CACNB4: variants seen among roughly 807,000 people sequenced by gnomAD.
The protein encoded by CACNB4 is calcium voltage-gated channel auxiliary subunit beta 4, also known as voltage-dependent L-type calcium channel subunit beta-4.
A neutral mutation model predicts 71.2 loss-of-function variants in CACNB4; 32 were observed. The ratio of observed to expected loss-of-function variants is 0.45; its 90% CI spans 0.34 to 0.60. CACNB4 has a LOEUF of 0.60. CACNB4 is among the 20% of genes least tolerant of loss of function. CACNB4 has a pLI of 0.01. For synonymous variants in CACNB4, 231 were observed against 236.9 expected, an observed-to-expected ratio of 0.97 and a Z score of 0.23; for missense variants, 464 against 647.9, an observed-to-expected ratio of 0.72 and a Z score of 3.08.
At chr2:151,973,890 C>T (rs746191519) in intron 2 of CACNB4, 74 of 1,435,214 alleles carry the variant, frequency 5.2e-5, no homozygotes, top group Admixed American at 2.2e-4. Context: ...GAGGTTATCC[C>T]CAGAGGCAGT....
intron 10 of CACNB4, chr2:151,860,352 C>T (rs891747512): frequency 2.3e-5 from 6 of 264,154 alleles, no homozygotes; most frequent in African/African-American, 9.2e-5. Context: ...CTGAACACCT[C>T]GTTTCCTTTT....
chr2:151,869,286 GAGAGA>G (rs1224883985), intron 8 of CACNB4, 51 bp from the exon 9 acceptor site: 1 of 1,102,678 alleles, frequency 9.1e-7, no homozygotes, highest in African/African-American at 1.6e-5. Context: ...CAGAGAGAGA[GAGAGA>G]AGTCAAAAGG....
At chr2:151,978,832 C>T (rs1208918806) in intron 2 of CACNB4, among the ~76,000 whole-genome samples, 1 of 152,168 alleles carries the variant, frequency 6.6e-6, no homozygotes, top group Non-Finnish European at 1.5e-5. Flanking sequence ...AGCCCAGCCT[C>T]CTGCTGCCCT....
At position 151,883,235 on chromosome 2, in the gene CACNB4, A is replaced by G. The variant is rs2099848423; in HGVS notation, c.267+16T>C. The G allele has an allele frequency of 6.2e-7, 1 of 1,613,718 alleles. No individual in the cohort carries two copies. The highest frequency in any genetic ancestry group is 2.2e-5 in the East Asian group (1 of 44,868). On this transcript the variant is annotated intron_variant, in intron 3 of 13. Coordinates refer to ENST00000539935, the MANE Select transcript of CACNB4 (RefSeq NM_000726.5). ...AACGACCCACTTTTGAGCCAAAGAG[A>G]AGGAAAGAGACTCACCTTTGCTCTC...
chr2:151,887,872 AC>A (rs2099849767), intron 2 of CACNB4, among the ~76,000 whole-genome samples: 1 of 152,190 alleles, frequency 6.6e-6, no homozygotes, highest in African/African-American at 2.4e-5. Flanking sequence ...ACTTTGACCC[AC>A]TAATTAAAGG....
intron 9 of CACNB4, among the ~76,000 whole-genome samples, chr2:151,864,157 C>T (rs992360041): frequency 6.6e-6 from 1 of 152,116 alleles, no homozygotes; most frequent in African/African-American, 2.4e-5. Flanking sequence ...TCCCATGTAC[C>T]TTGTTTGGTA....
At chr2:151,996,048 T>C (rs1682024092) in intron 2 of CACNB4, among the ~76,000 whole-genome samples, 1 of 152,206 alleles carries the variant, frequency 6.6e-6, no homozygotes, top group Non-Finnish European at 1.5e-5. Context: ...TTGTTATTTT[T>C]CCTATATAAG....
chr2:152,098,972 C>G lies in CACNB4; in HGVS notation c.40G>C (p.Gly14Arg), dbSNP rs573977862. 3.6e-5 allele frequency: 55 copies of G among 1,529,020 alleles called. No individual in the cohort carries two copies. The highest frequency in any genetic ancestry group is 2.3e-4 in the East Asian group (9 of 39,976). 94.7% of individuals were successfully genotyped at this position (1,529,020 alleles called of 1,614,324 possible). Residue 14 changes from glycine to arginine, a missense_variant, in exon 1 of 14, where the codon GGG (glycine) becomes CGG (arginine). Transcript: ENST00000539935. This position sits in a 1 kb window ranked among gnomAD's most constrained non-coding sequence, Gnocchi z 5.3. ...ACCTGCGAGGTGGGGGAGTGCGGCC[C>G]GTCCGCGGTCCCGTTCTTGGCGTAG... ...SSYAKNGTADGPHSPTSQVAR... is the reference protein window; with the variant it reads ...SSYAKNGTADRPHSPTSQVAR...
intron 2 of CACNB4, among the ~76,000 whole-genome samples, chr2:152,053,291 A>T (rs1163361309): frequency 6.6e-6 from 1 of 152,130 alleles, no homozygotes; most frequent in African/African-American, 2.4e-5. Flanking sequence ...ATGGACAGTG[A>T]TGTAGTCAAT....
At chr2:151,897,809 T>C (rs527308991) in intron 2 of CACNB4, among the ~76,000 whole-genome samples, 1 of 152,318 alleles carries the variant, frequency 6.6e-6, no homozygotes, top group Non-Finnish European at 1.5e-5. Flanking sequence ...TATAATAACC[T>C]AACTCATGGA....
chr2:151,875,982 C>A, intron 5 of CACNB4, among the ~76,000 whole-genome samples: 1 of 143,878 alleles, frequency 7.0e-6, no homozygotes, highest in Non-Finnish European at 1.5e-5. Flanking sequence ...GCTGACTCCC[C>A]CACCTCCCTC....
intron 2 of CACNB4, among the ~76,000 whole-genome samples, chr2:152,066,504 G>A (rs1001255332): frequency 1.8e-3 from 270 of 151,278 alleles, no homozygotes; most frequent in Non-Finnish European, 3.1e-3. Flanking sequence ...ACAGGTGCTG[G>A]AGAGGATGTG....
At chr2:152,082,548 T>C (rs918340381) in intron 2 of CACNB4, among the ~76,000 whole-genome samples, 2 of 152,270 alleles carry the variant, frequency 1.3e-5, no homozygotes, top group Admixed American at 6.5e-5. Context: ...AATGAATGAG[T>C]TGACCACATA....
At chr2:151,950,469 G>C (rs933038107) in intron 2 of CACNB4, among the ~76,000 whole-genome samples, 1 of 152,130 alleles carries the variant, frequency 6.6e-6, no homozygotes, top group Non-Finnish European at 1.5e-5. Context: ...TTGACTCCTA[G>C]GTATATCCCC....
At chr2:152,034,087 A>G (rs1223879751) in intron 2 of CACNB4, among the ~76,000 whole-genome samples, 1 of 152,192 alleles carries the variant, frequency 6.6e-6, no homozygotes, top group African/African-American at 2.4e-5. Flanking sequence ...CCTCACTAAC[A>G]GGCAGCACTT....
intron 2 of CACNB4, among the ~76,000 whole-genome samples, chr2:151,902,346 A>C (rs538763837): frequency 6.6e-6 from 1 of 152,244 alleles, no homozygotes; most frequent in African/African-American, 2.4e-5. Flanking sequence ...CCATCTTTTG[A>C]TGGAATGCCT....
chr2:151,915,381 C>G (rs769724648), intron 2 of CACNB4, among the ~76,000 whole-genome samples: 4 of 152,200 alleles, frequency 2.6e-5, no homozygotes, highest in Non-Finnish European at 4.4e-5. Flanking sequence ...GCCCTTCCCC[C>G]GCCCAGGGAG....
At chr2:152,082,192 T>G (rs572203768) in intron 2 of CACNB4, among the ~76,000 whole-genome samples, 2 of 152,338 alleles carry the variant, frequency 1.3e-5, no homozygotes, top group East Asian at 3.9e-4. Context: ...GCACATCCTT[T>G]CATGCTGCAT....
intron 2 of CACNB4, among the ~76,000 whole-genome samples, chr2:151,978,360 G>C (rs1560105225): frequency 6.6e-6 from 1 of 152,126 alleles, no homozygotes; most frequent in African/African-American, 2.4e-5. Context: ...AATCAGGGCA[G>C]CCCACATTGC....
Sources: gnomAD v4.1 joint callset for allele counts (sites outside exome capture counted in the v4.1 genomes callset) on GRCh38, gnomAD v4.1.1 for gene constraint, Gnocchi (gnomAD v3.1) non-coding constraint, MANE v1.5 for transcripts, NCBI Gene and HGNC (gene_info 2026-07-23, HGNC 2026-07-21) for gene names.